The following C20orf96 variants were observed in gnomAD, a reference collection of about 807,000 sequenced individuals.
C20orf96 encodes uncharacterized protein C20orf96.
In C20orf96, 57 loss-of-function variants were observed where a neutral mutation model predicts 52.6. That is an observed-to-expected ratio of 1.08 (90% confidence interval 0.88 to 1.35). C20orf96 has a LOEUF of 1.35. Ranked by LOEUF, C20orf96 falls within the 40% of genes most tolerant of loss-of-function variation. The probability of loss-of-function intolerance (pLI) is 0.00; values close to 1 mark genes in which losing one functional copy is unlikely to be tolerated. For synonymous variants in C20orf96, 168 were observed against 157.2 expected, an observed-to-expected ratio of 1.07 and a Z score of -0.51; for missense variants, 478 against 443.6, an observed-to-expected ratio of 1.08 and a Z score of -0.70.
intron 4 of C20orf96, among the ~76,000 whole-genome samples, chr20:281,659 G>A (rs1010818516): frequency 2.6e-5 from 4 of 152,170 alleles, no homozygotes; most frequent in Non-Finnish European, 5.9e-5. Context: ...CTAAGAGATG[G>A]GCACTATTAT....
In C20orf96 at chr20:279,122, C is replaced by G. The variant is rs377036116; in HGVS notation, c.465+50G>C. Reference sequence around the variant, plus strand: ...AGGGACGGAGGGAGGGAGGGAGGGACGGAGGTTGGGACGGAGGGACGGAGG... The same window carrying G: ...AGGGACGGAGGGAGGGAGGGAGGGAGGGAGGTTGGGACGGAGGGACGGAGG... On this transcript the variant is annotated intron_variant, in intron 5 of 10. Coordinates refer to ENST00000360321, the MANE Select transcript of C20orf96 (RefSeq NM_153269.3). The G allele has an allele frequency of 6.4e-5, 57 of 896,236 alleles. No individual in the cohort carries two copies. In the African/African-American group the frequency reaches 9.3e-4, roughly 15 times the overall value. 55.5% of individuals were successfully genotyped at this position (896,236 alleles called of 1,614,324 possible).
chr20:288,516 T>C (rs6047188), intron 3 of C20orf96, among the ~76,000 whole-genome samples: 56,472 of 151,938 alleles, frequency 0.37, 10,807 homozygotes, highest in East Asian at 0.51. Context: ...CAAGATTTCA[T>C]GAAGTGTCAT....
At chr20:274,094 G>C (rs1210371890) in intron 10 of C20orf96, among the ~76,000 whole-genome samples, 2 of 152,116 alleles carry the variant, frequency 1.3e-5, no homozygotes, top group African/African-American at 4.8e-5. Flanking sequence ...GCCCCACTGA[G>C]ACCTACTGAC....
At chr20:276,269 T>C in intron 9 of C20orf96, 183 bp from the exon 10 acceptor site, 1 of 985,314 alleles carries the variant, frequency 1.0e-6, no homozygotes, top group South Asian at 4.7e-5. Context: ...TCCAAGTTAG[T>C]GACAATATTC....
intron 3 of C20orf96, among the ~76,000 whole-genome samples, chr20:289,202 C>CCA (rs757412676): frequency 3.3e-5 from 5 of 151,030 alleles, no homozygotes; most frequent in Non-Finnish European, 5.9e-5. Context: ...CTGGACCCCC[C>CCA]CCAAAAAAAA....
At chr20:278,257 A>T in intron 6 of C20orf96, 73 bp downstream of exon 6, 1 of 1,075,762 alleles carries the variant, frequency 9.3e-7, no homozygotes, top group Non-Finnish European at 1.5e-6. Flanking sequence ...GGCAAGTACA[A>T]GGTGAATGCT....
chr20:275,723 G>A (rs1296563886), intron 10 of C20orf96, among the ~76,000 whole-genome samples: 1 of 152,206 alleles, frequency 6.6e-6, no homozygotes, highest in Non-Finnish European at 1.5e-5. Context: ...GGAACTAGAA[G>A]GGCCCTTAGA....
At chr20:272,167 CTT>C (rs1457081259) in intron 10 of C20orf96, among the ~76,000 whole-genome samples, 2 of 151,794 alleles carry the variant, frequency 1.3e-5, no homozygotes, top group African/African-American at 4.8e-5. Flanking sequence ...ATCATTCTCT[CTT>C]CTTTATATTT....
rs1225770433 is a variant in C20orf96 at position 275,958 on chromosome 20, G to C, written c.1031+10C>G. 6.2e-7 allele frequency: 1 copy of C among 1,612,498 alleles called. No individual in the cohort carries two copies. Among genetic ancestry groups the C allele is most frequent in the Non-Finnish European group, 8.5e-7 (1 of 1,178,636 alleles). On this transcript the variant is annotated intron_variant, in intron 10 of 10. Transcript: ENST00000360321. ...CTGGTTTAAGAGGCAGTGGCAAAAA[G>C]ATCACATACTTGGGTCTCCGAAGCA...
Position 287,632 on chromosome 20 carries a change from A to C in C20orf96, c.187+1927T>G, listed in dbSNP as rs77769506. Among the ~76,000 whole-genome samples the C allele has an allele frequency of 8.2e-3, 1,247 of 152,178 alleles. 22 individuals carry two copies. Among genetic ancestry groups the C allele is most frequent in the African/African-American group, 0.029 (1,202 of 41,536 alleles). On this transcript the variant is annotated intron_variant, in intron 3 of 10. Transcript: ENST00000360321. ...ATAGCTTGTCTTTTCATCCTCCTAA[A>C]AAGGTCTTTCATAAGGCCAGGTGCA... is the stretch of plus-strand genomic sequence containing the variant.
At chr20:285,352 A>G (rs1477534906) in intron 3 of C20orf96, among the ~76,000 whole-genome samples, 1 of 152,226 alleles carries the variant, frequency 6.6e-6, no homozygotes, top group Non-Finnish European at 1.5e-5. Flanking sequence ...CTTCAGGTAC[A>G]ACCCAGCTCA....
intron 10 of C20orf96, among the ~76,000 whole-genome samples, chr20:275,574 G>A (rs1386355426): frequency 6.6e-6 from 1 of 152,182 alleles, no homozygotes; most frequent in African/African-American, 2.4e-5. Flanking sequence ...AACCTGCCAA[G>A]TGAACAGGAC....
rs192102004 is a variant in C20orf96, at chr20:287,028, T to C, written c.187+2531A>G. ...TTTATCGCTGTATAGTTTTCCACGG[T>C]GGGGATACACCATAGGTTGTTTAAA... On this transcript the variant is annotated intron_variant, in intron 3 of 10. Coordinates refer to ENST00000360321, the MANE Select transcript of C20orf96 (RefSeq NM_153269.3). Among the ~76,000 whole-genome samples, 182 of 152,328 alleles carry C rather than the reference T, an allele frequency of 1.2e-3. 4 individuals are homozygous for C. The highest frequency in any genetic ancestry group is 1.5e-3 in the Non-Finnish European group (100 of 68,040).
chr20:275,654 C>A (rs772096335), intron 10 of C20orf96, among the ~76,000 whole-genome samples: 1 of 152,224 alleles, frequency 6.6e-6, no homozygotes, highest in Non-Finnish European at 1.5e-5. Flanking sequence ...CTCAACTCTG[C>A]CTTCCTCAAA....
At chr20:277,412 G>C (rs370049136) in intron 6 of C20orf96, 29 bp from the exon 7 acceptor site, 39 of 1,610,574 alleles carry the variant, frequency 2.4e-5, no homozygotes, top group Non-Finnish European at 3.0e-5. Context: ...GGTCAGCAGG[G>C]ACAGGAGGCA....
chr20:276,195 G>A (rs2012018381), intron 9 of C20orf96, 109 bp from the exon 10 acceptor site: 2 of 1,575,440 alleles, frequency 1.3e-6, no homozygotes, highest in South Asian at 2.3e-5. Flanking sequence ...AATGGTATGG[G>A]TTCTGTCACT....
chr20:287,928 A>AG (rs2012429266), intron 3 of C20orf96, among the ~76,000 whole-genome samples: 1 of 150,346 alleles, frequency 6.7e-6, no homozygotes, highest in Admixed American at 6.6e-5. Context: ...AAAAAAAAAA[A>AG]AAGTCTTTCA....
rs2012038062 is a variant in C20orf96, at chr20:276,766, GGACCACCACCTTCCTTGCCC to G, written c.912+7_912+26del. The G allele has an allele frequency of 9.3e-6, 15 of 1,605,710 alleles. No homozygotes were observed. Among genetic ancestry groups the G allele is most frequent in the Non-Finnish European group, 1.2e-5 (14 of 1,174,842 alleles). Reference sequence around the variant, plus strand: ...CTGCCCATCCACTGCTTCCCTACAGGGACCACCACCTTCCTTGCCCACGCACTTCTCTGAACCTTTGCATG... The same window carrying G: ...CTGCCCATCCACTGCTTCCCTACAGGACGCACTTCTCTGAACCTTTGCATG... On this transcript the variant is annotated splice_region_variant and intron_variant, in intron 9 of 10. Transcript: ENST00000360321.
chr20:273,996 A>G (rs1307583552), intron 10 of C20orf96, among the ~76,000 whole-genome samples: 12 of 137,296 alleles, frequency 8.7e-5, no homozygotes, highest in Non-Finnish European at 1.5e-4. Context: ...CAGAGAGAGA[A>G]AGAAAGAAAG....
Sources: allele counts gnomAD v4.1 joint callset (sites outside exome capture counted in the v4.1 genomes callset), GRCh38; gene constraint gnomAD v4.1.1; transcripts MANE v1.5; gene names NCBI Gene and HGNC (gene_info 2026-07-23, HGNC 2026-07-21).